The following FAM221A variants were observed in gnomAD, a reference collection of about 807,000 sequenced individuals.
FAM221A encodes family with sequence similarity 221 member A.
A neutral mutation model predicts 37.6 loss-of-function variants in FAM221A; 43 were observed. The observed-to-expected ratio is 1.15, with a 90% CI of 0.90 to 1.48. The LOEUF is 1.48. Ranked by LOEUF, FAM221A falls within the 40% of genes most tolerant of loss-of-function variation. FAM221A has a pLI of 0.00. For synonymous variants in FAM221A, 135 were observed against 132.9 expected (o/e 1.02, Z -0.11); for missense variants, 361 against 361.5 (o/e 1.00, Z 0.01).
intron 4 of FAM221A, chr7:23,692,243 T>C (rs1784794626): frequency 1.1e-6 from 1 of 904,628 alleles, no homozygotes; most frequent in South Asian, 5.2e-5. Flanking sequence ...CCCTGTCTAC[T>C]TGAAACACAG....
chr7:23,691,658 G>T lies in FAM221A; in HGVS notation c.637+62G>T, dbSNP rs867625925. The T allele has an allele frequency of 4.3e-5, 58 of 1,347,214 alleles. No homozygotes were observed. In the Middle Eastern group the frequency reaches 2.5e-3, roughly 58 times the overall value. The allele number at this position is 1,347,214 out of a possible 1,614,324, so 83.5% of individuals were successfully genotyped here. On this transcript the variant is annotated intron_variant, in intron 4 of 6. Transcript: ENST00000344962. ...TGTTTTTATGTGTGCTAACAATAGTGAAGCCTTATATTTGTTAAGCAATTT... is the reference window on the plus strand; with the variant it reads ...TGTTTTTATGTGTGCTAACAATAGTTAAGCCTTATATTTGTTAAGCAATTT...
chr7:23,682,430 A>T, intron 1 of FAM221A, among the ~76,000 whole-genome samples: 2 of 69,786 alleles, frequency 2.9e-5, no homozygotes, highest in East Asian at 3.6e-4. Context: ...TATTATTATT[A>T]TTATTATTAT....
intron 2 of FAM221A, chr7:23,686,583 A>T: frequency 4.7e-6 from 1 of 210,558 alleles, no homozygotes; most frequent in Non-Finnish European, 9.8e-6. Flanking sequence ...CTCAACTTTG[A>T]TGGAGAAGTT....
At chr7:23,690,909 G>C (rs969662823) in intron 3 of FAM221A, among the ~76,000 whole-genome samples, 2 of 152,128 alleles carry the variant, frequency 1.3e-5, no homozygotes, top group African/African-American at 2.4e-5. Context: ...CATTTAGCAT[G>C]ATGTTTTCAT....
chr7:23,700,800 C>A lies in FAM221A; in HGVS notation c.760C>A (p.Gln254Lys), dbSNP rs375667500. 1 of 1,601,930 alleles carries A rather than the reference C, an allele frequency of 6.2e-7. No homozygotes were observed. The highest frequency in any genetic ancestry group is 8.5e-7 in the Non-Finnish European group (1 of 1,174,622). The change falls in exon 6 of 7, where the codon CAA becomes AAA. Residue 254 changes from glutamine (Q) to lysine (K), a missense_variant. Gln to Lys is a moderately conservative substitution (Grantham distance 53). Transcript: ENST00000344962. ...TTCCTTGTTAGTAGGTACAAGTAGT[C>A]AAGTTTCTTCATTAAGGAGACCTGA... ...ETLTDVGTSS[Q>K]VSSLRRPEED... is the part of the protein sequence containing the mutation.
chr7:23,698,881 A>G (rs1785224249), intron 5 of FAM221A, among the ~76,000 whole-genome samples: 2 of 152,186 alleles, frequency 1.3e-5, no homozygotes, highest in South Asian at 4.1e-4. Flanking sequence ...CTTGCCTTAA[A>G]ACATACAACT....
rs144526647 is a variant in FAM221A, at chr7:23,695,857, A to G, written c.638-2335A>G. On this transcript the variant is annotated intron_variant, in intron 4 of 6. Transcript: ENST00000344962. ...ATAATGTTTTTTCCTCTTCCTTTCC[A>G]ATATTTGTGACTCTTCTTATTCTTG... 7.9e-5 allele frequency among the ~76,000 whole-genome samples: 12 copies of G among 152,192 alleles called. No homozygotes were observed. In the East Asian group the frequency reaches 2.1e-3, roughly 27 times the overall value.
intron 1 of FAM221A, 61 bp downstream of exon 1, chr7:23,680,344 G>T: frequency 7.1e-7 from 1 of 1,399,286 alleles, no homozygotes; most frequent in Non-Finnish European, 9.6e-7. Context: ...TCCCTGGGCT[G>T]GGGGCGCGAG....
intron 2 of FAM221A, chr7:23,688,931 C>T (rs189643716): frequency 2.0e-4 from 32 of 160,830 alleles, no homozygotes; most frequent in Admixed American, 8.1e-4. Context: ...CCACTGCGCC[C>T]GGCCTGAACT....
intron 6 of FAM221A, among the ~76,000 whole-genome samples, chr7:23,701,631 C>G (rs1247520078): frequency 6.6e-6 from 1 of 152,138 alleles, no homozygotes; most frequent in Non-Finnish European, 1.5e-5. Flanking sequence ...CACATCTGGG[C>G]ACAGTGGCTG....
intron 2 of FAM221A, among the ~76,000 whole-genome samples, chr7:23,685,362 A>G (rs996223603): frequency 2.2e-4 from 34 of 152,222 alleles, no homozygotes; most frequent in Admixed American, 1.2e-3. Context: ...TTTCCATCAT[A>G]TCTTATTAGT....
At chr7:23,691,175 GT>G (rs1476043793) in intron 3 of FAM221A, among the ~76,000 whole-genome samples, 2 of 150,954 alleles carry the variant, frequency 1.3e-5, no homozygotes, top group South Asian at 2.1e-4. Context: ...TCCTTGTTGT[GT>G]TTTGCAGTTT....
chr7:23,693,584 T>TTAA (rs1554278805), intron 4 of FAM221A: 1 of 151,134 alleles, frequency 6.6e-6, no homozygotes, highest in African/African-American at 2.4e-5. Context: ...ATCATTTGTC[T>TTAA]CTTAATTTTT....
At chr7:23,690,795 C>T (rs1412886331) in intron 3 of FAM221A, among the ~76,000 whole-genome samples, 3 of 152,178 alleles carry the variant, frequency 2.0e-5, no homozygotes, top group Non-Finnish European at 1.5e-5. Flanking sequence ...TCTCCCCAGC[C>T]CTAGGCAACC....
intron 4 of FAM221A, among the ~76,000 whole-genome samples, 190 bp from the exon 5 acceptor site, chr7:23,698,002 C>G (rs1785169813): frequency 6.6e-6 from 1 of 152,024 alleles, no homozygotes; most frequent in African/African-American, 2.4e-5. Flanking sequence ...TCAAGTAATC[C>G]TCTTGCTTTG....
At chr7:23,680,609 G>T (rs1465594234) in intron 1 of FAM221A, 4 of 322,654 alleles carry the variant, frequency 1.2e-5, no homozygotes, top group Non-Finnish European at 1.7e-5. Context: ...TCGAGTACTC[G>T]GGGCTATAGA....
At chr7:23,701,119 A>G (rs1200477074) in intron 6 of FAM221A, among the ~76,000 whole-genome samples, 2 of 152,226 alleles carry the variant, frequency 1.3e-5, no homozygotes, top group Non-Finnish European at 1.5e-5. Context: ...GTCAGTAATA[A>G]ACATCAATAT....
rs1209272820 is a variant in FAM221A, at chr7:23,702,161, A to T, written c.894A>T (p.Ser298=). The change falls in exon 7 of 7, where the codon TCA becomes TCT. Residue 298 remains serine (S), a synonymous_variant. Transcript: ENST00000344962. ...KAPLPSATKP[S] is the part of the protein sequence containing the mutation. ...CATTGCCATCAGCTACAAAACCTTCATGAAGACTATTGGAGAAATTAAAAC... is the reference window on the plus strand; with the variant it reads ...CATTGCCATCAGCTACAAAACCTTCTTGAAGACTATTGGAGAAATTAAAAC... 3 of 1,589,336 alleles carry T rather than the reference A, an allele frequency of 1.9e-6. 1 individual carries two copies. Among genetic ancestry groups the T allele is most frequent in the Non-Finnish European group, 2.6e-6 (3 of 1,165,742 alleles).
intron 4 of FAM221A, 124 bp downstream of exon 4, chr7:23,691,720 ATTT>A: frequency 1.2e-6 from 1 of 848,042 alleles, no homozygotes. Context: ...CTCTCGTTTG[ATTT>A]TTATTTTTTA....
Sources: gnomAD v4.1 joint callset for allele counts (sites outside exome capture counted in the v4.1 genomes callset) on GRCh38, gnomAD v4.1.1 for gene constraint, MANE v1.5 for transcripts, NCBI Gene and HGNC (gene_info 2026-07-23, HGNC 2026-07-21) for gene names.